The following ADAMTS3 variants were observed in gnomAD, a reference collection of about 807,000 sequenced individuals.
ADAMTS3 encodes A disintegrin and metalloproteinase with thrombospondin motifs 3.
Under a neutral mutation model 129.0 loss-of-function variants are expected in ADAMTS3, and 73 were observed. The ratio of observed to expected loss-of-function variants is 0.57; its 90% CI spans 0.47 to 0.69. The LOEUF (loss-of-function observed/expected upper bound fraction) is 0.69. ADAMTS3 is among the 30% of genes least tolerant of loss of function. The pLI is 0.00. For synonymous variants in ADAMTS3, 477 were observed against 510.8 expected, an observed-to-expected ratio of 0.93 and a Z score of 0.89; for missense variants, 1,457 against 1,514.5, an observed-to-expected ratio of 0.96 and a Z score of 0.63.
At chr4:72,422,642 T>A (rs990340506) in intron 3 of ADAMTS3, among the ~76,000 whole-genome samples, 1 of 151,800 alleles carries the variant, frequency 6.6e-6, no homozygotes, top group Non-Finnish European at 1.5e-5. Flanking sequence ...CTGCCAAGAG[T>A]TCAGAATTAA....
rs2109926047 is a variant in ADAMTS3, at chr4:72,414,884, G to A, written c.592C>T (p.His198Tyr). ...KQMEEEKGRI[H>Y]VVYKRSAVEQ... ...ACAGCTGATCTCTTGTAGACAACATGAATCCTTCCTTTTTCTTCCTCCATC... is the reference window on the plus strand; with the variant it reads ...ACAGCTGATCTCTTGTAGACAACATAAATCCTTCCTTTTTCTTCCTCCATC... The change falls in exon 4 of 22, where the codon CAT becomes TAT. Residue 198 changes from histidine (H) to tyrosine (Y), a missense_variant. Physicochemically the swap from His to Tyr is moderately conservative, Grantham distance 83. Transcript: ENST00000286657. 1 of 1,584,324 alleles carries A rather than the reference G, an allele frequency of 6.3e-7. No individual in the cohort carries two copies. The highest frequency in any genetic ancestry group is 2.4e-5 in the East Asian group (1 of 42,056).
chr4:72,392,937 T>C (rs1166626917), intron 4 of ADAMTS3, among the ~76,000 whole-genome samples: 1 of 151,402 alleles, frequency 6.6e-6, no homozygotes, highest in Non-Finnish European at 1.5e-5. Context: ...TTTCTTTTTT[T>C]TTTTCTGAGA....
At chr4:72,489,581 C>T (rs1452155868) in intron 3 of ADAMTS3, among the ~76,000 whole-genome samples, 2 of 151,912 alleles carry the variant, frequency 1.3e-5, no homozygotes, top group Non-Finnish European at 2.9e-5. Context: ...GATGTTCTTC[C>T]TTCTGAGGTA....
chr4:72,327,836 C>T (rs546928247), intron 5 of ADAMTS3, among the ~76,000 whole-genome samples: 1 of 152,208 alleles, frequency 6.6e-6, no homozygotes, highest in East Asian at 1.9e-4. Flanking sequence ...TCATAATCTT[C>T]TTTAGGTAAA....
At chr4:72,440,347 C>T (rs1054898495) in intron 3 of ADAMTS3, among the ~76,000 whole-genome samples, 1 of 151,802 alleles carries the variant, frequency 6.6e-6, no homozygotes, top group African/African-American at 2.4e-5. Context: ...CACATCCACA[C>T]ATGAATATCC....
chr4:72,482,972 A>G (rs78845377), intron 3 of ADAMTS3, among the ~76,000 whole-genome samples: 5,788 of 152,296 alleles, frequency 0.038, 130 homozygotes, highest in Non-Finnish European at 0.048. Flanking sequence ...GAGAATAACT[A>G]TCAGCAAACT....
chr4:72,451,212 G>C (rs1360163530), intron 3 of ADAMTS3, among the ~76,000 whole-genome samples: 2 of 151,640 alleles, frequency 1.3e-5, no homozygotes, highest in East Asian at 3.9e-4. Context: ...ATCAAGTCTG[G>C]CCCAATCCTG....
chr4:72,561,558 A>G (rs1192367518), intron 2 of ADAMTS3, among the ~76,000 whole-genome samples: 1 of 152,136 alleles, frequency 6.6e-6, no homozygotes, highest in African/African-American at 2.4e-5. Context: ...AGAGGTTCTT[A>G]CACGTAAAGG....
intron 3 of ADAMTS3, among the ~76,000 whole-genome samples, chr4:72,501,408 G>A (rs1720018295): frequency 6.6e-6 from 1 of 151,908 alleles, no homozygotes; most frequent in African/African-American, 2.4e-5. Flanking sequence ...TCTTGATTTG[G>A]CTCGCAGCTT....
chr4:72,424,402 A>G (rs1394205008), intron 3 of ADAMTS3, among the ~76,000 whole-genome samples: 1 of 152,004 alleles, frequency 6.6e-6, no homozygotes, highest in Non-Finnish European at 1.5e-5. Flanking sequence ...GCAAAAAATA[A>G]AATTTGAGAA....
At chr4:72,449,793 T>C (rs1332107703) in intron 3 of ADAMTS3, among the ~76,000 whole-genome samples, 1 of 151,750 alleles carries the variant, frequency 6.6e-6, no homozygotes, top group East Asian at 2.0e-4. Context: ...CATTGCTCAC[T>C]CACTTTCTTA....
chr4:72,318,455 C>G (rs1719457105), intron 10 of ADAMTS3, 117 bp downstream of exon 10: 5 of 1,123,850 alleles, frequency 4.4e-6, no homozygotes, highest in Non-Finnish European at 6.3e-6. Context: ...ACAATGAACA[C>G]AAAATAACTG....
At chr4:72,390,366 T>C (rs549899591) in intron 4 of ADAMTS3, among the ~76,000 whole-genome samples, 55 of 152,310 alleles carry the variant, frequency 3.6e-4, no homozygotes, top group Admixed American at 2.9e-3. Context: ...AAATACTTTA[T>C]CTTATTAATT....
intron 3 of ADAMTS3, among the ~76,000 whole-genome samples, chr4:72,428,081 A>T (rs1009220618): frequency 2.0e-5 from 3 of 151,994 alleles, no homozygotes; most frequent in African/African-American, 7.2e-5. Flanking sequence ...ACCCATCGCT[A>T]TTGTACTTGT....
intron 4 of ADAMTS3, among the ~76,000 whole-genome samples, chr4:72,376,538 T>C (rs182477700): frequency 5.9e-5 from 9 of 152,232 alleles, no homozygotes; most frequent in Admixed American, 5.2e-4. Context: ...GTTTCTAATG[T>C]TAGAATGCAT....
At chr4:72,365,410 A>G (rs1356519267) in intron 4 of ADAMTS3, among the ~76,000 whole-genome samples, 2 of 152,200 alleles carry the variant, frequency 1.3e-5, no homozygotes, top group African/African-American at 4.8e-5. Flanking sequence ...CTCTTCATGC[A>G]TATCTTTATT....
At chr4:72,375,367 C>A (rs1005977991) in intron 4 of ADAMTS3, among the ~76,000 whole-genome samples, 57 of 152,270 alleles carry the variant, frequency 3.7e-4, no homozygotes, top group African/African-American at 1.3e-3. Flanking sequence ...ACGTGCCCAG[C>A]ACTCTGCCAG....
rs557711390 is a variant in ADAMTS3, at chr4:72,338,742, A to T, written c.861+752T>A. On this transcript the variant is annotated intron_variant, in intron 5 of 21. Transcript: ENST00000286657. ...AATATAATATATATTTCATATTGGC[A>T]TGAGGTAACATATATAGAGTACATC... Among the ~76,000 whole-genome samples the T allele has an allele frequency of 4.6e-5, 7 of 152,264 alleles. No homozygotes were observed. The East Asian group carries it at 9.7e-4, about 21-fold the overall frequency.
At chr4:72,345,599 G>C (rs755501475) in intron 4 of ADAMTS3, among the ~76,000 whole-genome samples, 4 of 152,074 alleles carry the variant, frequency 2.6e-5, no homozygotes, top group Non-Finnish European at 5.9e-5. Flanking sequence ...AAGTTATGAT[G>C]TCAATTCAAA....
Sources: allele counts gnomAD v4.1 joint callset (sites outside exome capture counted in the v4.1 genomes callset), GRCh38; gene constraint gnomAD v4.1.1; transcripts MANE v1.5; gene names NCBI Gene and HGNC (gene_info 2026-07-23, HGNC 2026-07-21).